The following NLGN1 variants were observed in gnomAD, a reference collection of about 807,000 sequenced individuals.
The protein encoded by NLGN1 is neuroligin 1, also known as neuroligin-1.
Under a neutral mutation model 65.5 loss-of-function variants are expected in NLGN1, and 12 were observed. The observed-to-expected ratio is 0.18, with a 90% CI of 0.12 to 0.30. NLGN1 has a LOEUF of 0.30. Among genes scored for constraint, NLGN1 ranks in the 10% least tolerant of loss-of-function variants. The probability of loss-of-function intolerance (pLI) is 1.00; values close to 1 mark genes in which losing one functional copy is unlikely to be tolerated. For synonymous variants in NLGN1, 350 were observed against 359.5 expected (o/e 0.97, Z 0.30); for missense variants, 750 against 1,007.1 (o/e 0.74, Z 3.46).
chr3:173,868,296 G>A (rs1730565657), intron 4 of NLGN1, among the ~76,000 whole-genome samples: 2 of 152,068 alleles, frequency 1.3e-5, no homozygotes, highest in South Asian at 4.1e-4. Flanking sequence ...GCTATTGAAG[G>A]CAGTACTATT....
intron 1 of NLGN1, among the ~76,000 whole-genome samples, chr3:173,429,929 A>G (rs1400076088): frequency 6.6e-6 from 1 of 152,186 alleles, no homozygotes; most frequent in African/African-American, 2.4e-5. Context: ...ACAGAGATGA[A>G]GAATAGCTGC....
chr3:173,791,942 G>A (rs1366115661), intron 3 of NLGN1, among the ~76,000 whole-genome samples: 1 of 152,080 alleles, frequency 6.6e-6, no homozygotes, highest in Non-Finnish European at 1.5e-5. Context: ...CTGGGCACAT[G>A]ACCACTGGAT....
chr3:173,885,840 T>A (rs1734236910), intron 4 of NLGN1, among the ~76,000 whole-genome samples: 1 of 152,080 alleles, frequency 6.6e-6, no homozygotes, highest in Admixed American at 6.6e-5. Flanking sequence ...CATTACTTAA[T>A]GGATTCATAA....
intron 3 of NLGN1, among the ~76,000 whole-genome samples, chr3:173,620,528 G>C (rs1473187048): frequency 6.6e-6 from 1 of 152,030 alleles, no homozygotes; most frequent in Non-Finnish European, 1.5e-5. Context: ...GGAGGAAAGA[G>C]AAAGTGTCAA....
intron 4 of NLGN1, among the ~76,000 whole-genome samples, chr3:174,030,415 C>T (rs1041472418): frequency 3.3e-5 from 5 of 152,154 alleles, no homozygotes; most frequent in African/African-American, 4.8e-5. Context: ...TGAGCCACCT[C>T]GCCCAGCCAG....
chr3:174,010,643 A>G (rs1397086810), intron 4 of NLGN1, among the ~76,000 whole-genome samples: 1 of 152,160 alleles, frequency 6.6e-6, no homozygotes, highest in Admixed American at 6.5e-5. Context: ...TGAATTGCTT[A>G]TCATTAAATA....
At chr3:173,471,841 T>C (rs1725365269) in intron 2 of NLGN1, among the ~76,000 whole-genome samples, 2 of 152,170 alleles carry the variant, frequency 1.3e-5, no homozygotes, top group Admixed American at 1.3e-4. Context: ...ATACTTGATA[T>C]TCCTGTGCAC....
intron 2 of NLGN1, among the ~76,000 whole-genome samples, chr3:173,572,366 T>C (rs1175019156): frequency 6.6e-6 from 1 of 152,252 alleles, no homozygotes; most frequent in Non-Finnish European, 1.5e-5. Flanking sequence ...TGTTCAGATT[T>C]GTAGTATAAA....
chr3:173,884,046 TACTG>T (rs902377687), intron 4 of NLGN1, among the ~76,000 whole-genome samples: 2 of 151,886 alleles, frequency 1.3e-5, no homozygotes, highest in Non-Finnish European at 2.9e-5. Flanking sequence ...AAAGATTTCT[TACTG>T]ACTTTTTTTT....
chr3:173,629,389 T>A (rs1378388879), intron 3 of NLGN1, among the ~76,000 whole-genome samples: 1 of 152,164 alleles, frequency 6.6e-6, no homozygotes, highest in Non-Finnish European at 1.5e-5. Flanking sequence ...GTGCTGGGAT[T>A]GCAGGTGTGG....
At chr3:173,610,959 AT>A (rs1232409004) in intron 3 of NLGN1, among the ~76,000 whole-genome samples, 2 of 152,066 alleles carry the variant, frequency 1.3e-5, no homozygotes, top group African/African-American at 4.8e-5. Flanking sequence ...AACGAACAAT[AT>A]TAAATACAGG....
chr3:173,720,053 G>A (rs935738824), intron 3 of NLGN1, among the ~76,000 whole-genome samples: 1 of 152,134 alleles, frequency 6.6e-6, no homozygotes, highest in African/African-American at 2.4e-5. Context: ...GTTTAAGGCT[G>A]CAGTGAGCTA....
chr3:173,898,742 T>G (rs1193803726), intron 4 of NLGN1, among the ~76,000 whole-genome samples: 1 of 152,168 alleles, frequency 6.6e-6, no homozygotes, highest in Admixed American at 6.6e-5. Flanking sequence ...GATTGTATGC[T>G]ACTTTGACAA....
chr3:173,782,813 C>T (rs1350506967), intron 3 of NLGN1, among the ~76,000 whole-genome samples: 1 of 151,796 alleles, frequency 6.6e-6, no homozygotes, highest in Non-Finnish European at 1.5e-5. Context: ...TTCCCCTACC[C>T]CCCGCTCCCA....
intron 4 of NLGN1, among the ~76,000 whole-genome samples, chr3:174,207,767 TCTCTTATGC>T (rs2152785296): frequency 6.6e-6 from 1 of 152,302 alleles, no homozygotes; most frequent in South Asian, 2.1e-4. Flanking sequence ...CAAACGACAA[TCTCTTATGC>T]CTCTTTCAAC....
intron 1 of NLGN1, among the ~76,000 whole-genome samples, chr3:173,415,904 T>TATAGAG (rs1380777305): frequency 1.5e-4 from 19 of 125,452 alleles, no homozygotes; most frequent in African/African-American, 5.6e-4. Context: ...TATATATATA[T>TATAGAG]AGAGAGAGAG....
chr3:173,454,046 G>A (rs1048202843), intron 2 of NLGN1, among the ~76,000 whole-genome samples: 1 of 152,198 alleles, frequency 6.6e-6, no homozygotes, highest in Non-Finnish European at 1.5e-5. Context: ...GTGTAAACAG[G>A]CATGAAAACA....
intron 4 of NLGN1, among the ~76,000 whole-genome samples, chr3:173,891,918 G>A (rs2152130776): frequency 6.6e-6 from 1 of 152,300 alleles, no homozygotes; most frequent in Non-Finnish European, 1.5e-5. Flanking sequence ...CTTGATGAAT[G>A]AATATGCAAG....
At position 173,993,654 on chromosome 3, in the gene NLGN1, TGATA is replaced by T. The variant is rs10648000; in HGVS notation, c.646+185860_646+185863del. 8.9e-3 allele frequency among the ~76,000 whole-genome samples: 1,317 copies of T among 147,362 alleles called. 7 individuals are homozygous for T. The highest frequency in any genetic ancestry group is 0.012 in the South Asian group (57 of 4,610). ...ATAGATAGAAAGATAGCTAGATAGA[TGATA>T]GATAGATAGATAGATAGATAGATAG... On this transcript the variant is annotated intron_variant, in intron 4 of 6. Transcript: ENST00000457714.
Sources: allele counts gnomAD v4.1 joint callset (sites outside exome capture counted in the v4.1 genomes callset), GRCh38; gene constraint gnomAD v4.1.1; transcripts MANE v1.5; gene names NCBI Gene and HGNC (gene_info 2026-07-23, HGNC 2026-07-21).